THRB: variants seen among roughly 807,000 people sequenced by gnomAD.
THRB encodes the protein nuclear receptor subfamily 1 group A member 2.
A neutral mutation model predicts 47.8 loss-of-function variants in THRB; 12 were observed. The ratio of observed to expected loss-of-function variants is 0.25; its 90% CI spans 0.16 to 0.41. The LOEUF (loss-of-function observed/expected upper bound fraction) is 0.41. Ranked by LOEUF, THRB falls within the 10% of genes least tolerant of loss-of-function variation. THRB has a pLI of 1.00. For synonymous variants in THRB, 218 were observed against 212.2 expected (o/e 1.03, Z -0.24); for missense variants, 348 against 589.2 (o/e 0.59, Z 4.24).
At chr3:24,207,235 A>G (rs1243394636) in intron 4 of THRB, among the ~76,000 whole-genome samples, 1 of 152,232 alleles carries the variant, frequency 6.6e-6, no homozygotes, top group East Asian at 1.9e-4. Context: ...ACATTGATGC[A>G]AAAATCCTCA....
chr3:24,288,688 C>CA (rs1437904116), intron 3 of THRB, among the ~76,000 whole-genome samples: 17 of 152,154 alleles, frequency 1.1e-4, no homozygotes, highest in Admixed American at 2.6e-4. Flanking sequence ...CGGGTTGAAT[C>CA]AAGTACACTA....
At chr3:24,273,739 C>T (rs1043228473) in intron 3 of THRB, among the ~76,000 whole-genome samples, 1 of 152,152 alleles carries the variant, frequency 6.6e-6, no homozygotes, top group Non-Finnish European at 1.5e-5. Context: ...CCCCAGATGT[C>T]ACTGGGGTAG....
chr3:24,402,924 T>C (rs1330842014), intron 1 of THRB, among the ~76,000 whole-genome samples: 2 of 152,044 alleles, frequency 1.3e-5, no homozygotes, highest in Admixed American at 6.6e-5. Flanking sequence ...CTTGACAATA[T>C]AGATAGAACA....
intron 4 of THRB, among the ~76,000 whole-genome samples, chr3:24,208,191 A>T (rs2045610978): frequency 6.6e-6 from 1 of 152,186 alleles, no homozygotes; most frequent in Non-Finnish European, 1.5e-5. Context: ...TCAACAAAAA[A>T]AAAAAGAGGA....
chr3:24,486,189 T>C (rs1310282547), intron 1 of THRB, among the ~76,000 whole-genome samples: 2 of 152,108 alleles, frequency 1.3e-5, no homozygotes, highest in African/African-American at 4.8e-5. Flanking sequence ...CATCCTGTAA[T>C]ATATACGACA....
At chr3:24,234,936 G>A (rs566008845) in intron 3 of THRB, among the ~76,000 whole-genome samples, 20 of 152,280 alleles carry the variant, frequency 1.3e-4, no homozygotes, top group African/African-American at 3.6e-4. Context: ...AAGAGTTGCT[G>A]TGGAACTTGG....
At chr3:24,354,252 A>G (rs1333595427) in intron 1 of THRB, among the ~76,000 whole-genome samples, 3 of 152,194 alleles carry the variant, frequency 2.0e-5, no homozygotes, top group African/African-American at 7.2e-5. Flanking sequence ...GGAGAGGATC[A>G]GAAAAAATAA....
intron 4 of THRB, among the ~76,000 whole-genome samples, chr3:24,218,336 C>T (rs866191926): frequency 1.8e-5 from 2 of 110,956 alleles, no homozygotes; most frequent in African/African-American, 9.6e-5. Context: ...CTCTCTCTCT[C>T]TCTCTCTTTT....
intron 10 of THRB, among the ~76,000 whole-genome samples, chr3:24,124,911 C>A (rs1027336659): frequency 5.9e-5 from 9 of 152,142 alleles, no homozygotes; most frequent in Non-Finnish European, 1.2e-4. Flanking sequence ...TGAAGAGGGT[C>A]CACATCACTG....
chr3:24,412,541 A>G (rs980207006), intron 1 of THRB, among the ~76,000 whole-genome samples: 3 of 151,790 alleles, frequency 2.0e-5, no homozygotes, highest in African/African-American at 7.2e-5. Flanking sequence ...AGAGTTACCA[A>G]ACAAAGCTAG....
At chr3:24,235,364 G>A (rs1318868109) in intron 3 of THRB, among the ~76,000 whole-genome samples, 2 of 152,032 alleles carry the variant, frequency 1.3e-5, no homozygotes, top group Non-Finnish European at 2.9e-5. Flanking sequence ...ACGTAGACCT[G>A]GTGAGTCATT....
intron 1 of THRB, among the ~76,000 whole-genome samples, chr3:24,376,655 C>G (rs1319442206): frequency 1.3e-5 from 2 of 150,780 alleles, no homozygotes; most frequent in South Asian, 4.2e-4. Context: ...CAAAAAAAGG[C>G]AATGCCTTAG....
chr3:24,424,773 T>G (rs2069598097), intron 1 of THRB, among the ~76,000 whole-genome samples: 2 of 151,960 alleles, frequency 1.3e-5, no homozygotes, highest in Admixed American at 1.3e-4. Flanking sequence ...TTTCTGATTC[T>G]TTAATTCACT....
chr3:24,250,592 A>T (rs1256434041), intron 3 of THRB, among the ~76,000 whole-genome samples: 1 of 152,132 alleles, frequency 6.6e-6, no homozygotes, highest in Non-Finnish European at 1.5e-5. Flanking sequence ...TCTCAGCTAC[A>T]GGAGAGACTA....
At chr3:24,267,649 T>C (rs374098819) in intron 3 of THRB, among the ~76,000 whole-genome samples, 6 of 152,336 alleles carry the variant, frequency 3.9e-5, no homozygotes, top group African/African-American at 1.4e-4. Context: ...CCTCAGGTCA[T>C]GTCTAACACT....
intron 4 of THRB, among the ~76,000 whole-genome samples, chr3:24,228,726 C>A (rs968735931): frequency 1.1e-4 from 17 of 151,822 alleles, no homozygotes; most frequent in Admixed American, 9.2e-4. Context: ...ATAGTCATTT[C>A]CTCTCCATCA....
At chr3:24,474,392 A>G (rs569464884) in intron 1 of THRB, among the ~76,000 whole-genome samples, 7 of 152,188 alleles carry the variant, frequency 4.6e-5, no homozygotes, top group Non-Finnish European at 8.8e-5. Flanking sequence ...TCATACTCTT[A>G]TACTTCCTCC....
chr3:24,295,068 T>C (rs893718404), intron 3 of THRB, among the ~76,000 whole-genome samples: 2 of 152,204 alleles, frequency 1.3e-5, no homozygotes, highest in South Asian at 4.1e-4. Flanking sequence ...CCTCACACAA[T>C]TATATTTTAA....
chr3:24,243,866 A>G (rs976352922), intron 3 of THRB, among the ~76,000 whole-genome samples: 1 of 150,998 alleles, frequency 6.6e-6, no homozygotes, highest in Non-Finnish European at 1.5e-5. Flanking sequence ...TAAATGGAGA[A>G]CACCCTTGTT....
Sources: gnomAD v4.1 joint callset for allele counts (sites outside exome capture counted in the v4.1 genomes callset) on GRCh38, gnomAD v4.1.1 for gene constraint, MANE v1.5 for transcripts, NCBI Gene and HGNC (gene_info 2026-07-23, HGNC 2026-07-21) for gene names.